Variants in SCHIP1 observed in about 807,000 individuals in gnomAD.
The protein encoded by SCHIP1 is schwannomin-interacting protein 1.
A neutral mutation model predicts 29.7 loss-of-function variants in SCHIP1; 8 were observed. That is an observed-to-expected ratio of 0.27 (90% CI 0.16 to 0.49). The LOEUF (loss-of-function observed/expected upper bound fraction) is 0.49. SCHIP1 is among the 20% of genes least tolerant of loss of function. The pLI, the probability that SCHIP1 is intolerant of heterozygous loss-of-function variation, is 0.99. For missense variants in SCHIP1, 193 were observed against 294.6 expected, an observed-to-expected ratio of 0.66 and a Z score of 2.52; for synonymous variants, 76 against 94.9, an observed-to-expected ratio of 0.80 and a Z score of 1.16.
At chr3:159,527,255 T>C in the SCHIP1 span, among the ~76,000 whole-genome samples, 1 of 152,204 alleles carries the variant, frequency 6.6e-6, no homozygotes, top group African/African-American at 2.4e-5. Flanking sequence ...GGATCCCTTA[T>C]ACTCATGCAA....
the SCHIP1 span, among the ~76,000 whole-genome samples, chr3:159,489,128 C>A: frequency 6.6e-6 from 1 of 152,144 alleles, no homozygotes; most frequent in African/African-American, 2.4e-5. Flanking sequence ...TCCTTTTCAT[C>A]TTTTATTTTA....
the SCHIP1 span, among the ~76,000 whole-genome samples, chr3:159,469,119 C>T: frequency 1.3e-5 from 2 of 152,030 alleles, no homozygotes; most frequent in Non-Finnish European, 2.9e-5. Context: ...GTGGTCTACT[C>T]ATTCACACAC....
intron 2 of SCHIP1, among the ~76,000 whole-genome samples, chr3:159,885,486 C>T (rs1172427162): frequency 6.6e-6 from 1 of 152,228 alleles, no homozygotes; most frequent in African/African-American, 2.4e-5. Flanking sequence ...AAAACATCAG[C>T]CCTGGAGCTT....
At chr3:159,291,117 C>G in the SCHIP1 span, among the ~76,000 whole-genome samples, 2 of 151,884 alleles carry the variant, frequency 1.3e-5, no homozygotes, top group Admixed American at 1.3e-4. Flanking sequence ...AAAAAATATA[C>G]AAAATACACA....
the SCHIP1 span, among the ~76,000 whole-genome samples, chr3:159,338,251 G>A: frequency 3.0e-4 from 45 of 152,282 alleles, no homozygotes; most frequent in African/African-American, 1.0e-3. Context: ...CAGGGAAAGA[G>A]GTTACAACCT....
chr3:159,606,945 G>A, the SCHIP1 span, among the ~76,000 whole-genome samples: 1 of 152,302 alleles, frequency 6.6e-6, no homozygotes, highest in South Asian at 2.1e-4. Context: ...CTGGTGACAG[G>A]AGGAAGGAGT....
the SCHIP1 span, among the ~76,000 whole-genome samples, chr3:159,413,663 T>C: frequency 6.6e-6 from 1 of 152,172 alleles, no homozygotes; most frequent in Non-Finnish European, 1.5e-5. Context: ...ATGAAAATTA[T>C]ATCCCCTCTT....
the SCHIP1 span, among the ~76,000 whole-genome samples, chr3:159,669,047 G>T: frequency 6.6e-6 from 1 of 152,126 alleles, no homozygotes. Context: ...TTCATTTAAG[G>T]AAGGGCTGCA....
At chr3:159,559,986 C>A in the SCHIP1 span, among the ~76,000 whole-genome samples, 1 of 152,104 alleles carries the variant, frequency 6.6e-6, no homozygotes, top group African/African-American at 2.4e-5. Flanking sequence ...CTTATTCATA[C>A]CTAATAGCCT....
rs75624774 is a variant in SCHIP1 at position 159,864,516 on chromosome 3, T to C, written c.31-1647T>C. On this transcript the variant is annotated intron_variant, in intron 1 of 6. Transcript: ENST00000445224. ...ACACACACACACACACACACACACATATGCTAGCTCCTAGTATGATGCAGT... is the reference window on the plus strand; with the variant it reads ...ACACACACACACACACACACACACACATGCTAGCTCCTAGTATGATGCAGT... Among the ~76,000 whole-genome samples, 50 of 105,972 alleles carry C rather than the reference T, an allele frequency of 4.7e-4. 3 individuals carry two copies. In the East Asian group the frequency reaches 7.2e-3, roughly 15 times the overall value. The allele number at this position is 105,972 out of a possible 152,430, so 69.5% of individuals were successfully genotyped here. A position where few individuals can be genotyped will look rare whatever the true frequency, so the allele number is the denominator to read the frequency against.
the SCHIP1 span, among the ~76,000 whole-genome samples, chr3:159,754,003 C>A: frequency 6.6e-6 from 1 of 152,296 alleles, no homozygotes; most frequent in South Asian, 2.1e-4. Flanking sequence ...GTACTTATTG[C>A]AAACTGTAAT....
the SCHIP1 span, among the ~76,000 whole-genome samples, chr3:159,495,380 C>T: frequency 6.6e-6 from 1 of 152,192 alleles, no homozygotes; most frequent in East Asian, 1.9e-4. Context: ...CCCAAAATTT[C>T]CTTAAGCTGA....
chr3:159,525,401 ATGAG>A, the SCHIP1 span, among the ~76,000 whole-genome samples: 106 of 152,350 alleles, frequency 7.0e-4, no homozygotes, highest in African/African-American at 2.4e-3. Flanking sequence ...GAATGAATGA[ATGAG>A]TGAATTCTCC....
the SCHIP1 span, among the ~76,000 whole-genome samples, chr3:159,548,609 GTTCT>G: frequency 5.3e-5 from 8 of 151,456 alleles, no homozygotes; most frequent in African/African-American, 1.7e-4. Flanking sequence ...TTTTTTTCTA[GTTCT>G]TTCTATTGGA....
At chr3:159,823,938 G>A in the SCHIP1 span, among the ~76,000 whole-genome samples, 4 of 152,152 alleles carry the variant, frequency 2.6e-5, no homozygotes, top group African/African-American at 4.8e-5. Flanking sequence ...ACATGACCAC[G>A]GGACAGTCAG....
At chr3:159,402,769 TG>T in the SCHIP1 span, among the ~76,000 whole-genome samples, 1 of 151,942 alleles carries the variant, frequency 6.6e-6, no homozygotes, top group Non-Finnish European at 1.5e-5. Flanking sequence ...CATCACACAC[TG>T]GGGACTGTTG....
At chr3:159,758,394 G>A in the SCHIP1 span, among the ~76,000 whole-genome samples, 8,248 of 152,000 alleles carry the variant, frequency 0.054, 295 homozygotes, top group Non-Finnish European at 0.073. Context: ...CTTGTGATCC[G>A]CCCGCCTCAG....
chr3:159,889,892 C>T (rs574030048), intron 5 of SCHIP1, among the ~76,000 whole-genome samples: 1 of 151,862 alleles, frequency 6.6e-6, no homozygotes, highest in African/African-American at 2.4e-5. Flanking sequence ...GTCAGGAGAT[C>T]GAGACCATCC....
the SCHIP1 span, among the ~76,000 whole-genome samples, chr3:159,434,124 A>G: frequency 1.3e-5 from 2 of 152,198 alleles, no homozygotes; most frequent in Non-Finnish European, 2.9e-5. Context: ...ATGTTTGTGG[A>G]TATAGTGATT....
Sources: allele counts gnomAD v4.1 joint callset (sites outside exome capture counted in the v4.1 genomes callset), GRCh38; gene constraint gnomAD v4.1.1; transcripts MANE v1.5; gene names NCBI Gene and HGNC (gene_info 2026-07-23, HGNC 2026-07-21).